The following DTX1 variants were observed in gnomAD, a reference collection of about 807,000 sequenced individuals.
DTX1 encodes deltex E3 ubiquitin ligase 1, also known as E3 ubiquitin-protein ligase DTX1.
Under a neutral mutation model 57.8 loss-of-function variants are expected in DTX1, and 26 were observed. That is an observed-to-expected ratio of 0.45 (90% confidence interval 0.33 to 0.62). The LOEUF (loss-of-function observed/expected upper bound fraction) is 0.62, where lower values mean the gene tolerates loss of function less well. DTX1 is among the 20% of genes least tolerant of loss of function. The pLI is 0.02. For missense variants in DTX1, 704 were observed against 895.3 expected (o/e 0.79, Z 2.73); for synonymous variants, 398 against 394.1 (o/e 1.01, Z -0.12).
In DTX1 at chr12:113,094,114, G is replaced by T. The variant is rs940132658; in HGVS notation, c.1227+15G>T. On this transcript the variant is annotated intron_variant, in intron 6 of 9. Coordinates refer to ENST00000548759, the MANE Select transcript of DTX1 (RefSeq NM_004416.3). ...CACCTGATGAGGTGAGGAGGGGATG[G>T]GGGGGCTGGGGGAGGGCCCTGGCAT... 36 of 1,488,556 alleles carry T rather than the reference G, an allele frequency of 2.4e-5. 1 individual carries two copies. Among genetic ancestry groups the T allele is most frequent in the Non-Finnish European group, 2.9e-5 (32 of 1,087,728 alleles). 92.2% of individuals were successfully genotyped at this position (1,488,556 alleles called of 1,614,324 possible). A position where few individuals can be genotyped will look rare whatever the true frequency, so the allele number is the denominator to read the frequency against.
rs541068483 is a variant in DTX1 at position 113,096,010 on chromosome 12, A to G, written c.1638+596A>G. Among the ~76,000 whole-genome samples, 127 of 152,302 alleles carry G rather than the reference A, an allele frequency of 8.3e-4. 1 individual carries two copies. The highest frequency in any genetic ancestry group is 3.0e-3 in the African/African-American group (124 of 41,558). On this transcript the variant is annotated intron_variant, in intron 9 of 9. Coordinates refer to ENST00000548759, the MANE Select transcript of DTX1 (RefSeq NM_004416.3). Reference sequence around the variant, plus strand: ...ATCACGAGATCAGGAGTTTGAGACCAGCCTGGACAACATGGTGAAACCCCG... The same window carrying G: ...ATCACGAGATCAGGAGTTTGAGACCGGCCTGGACAACATGGTGAAACCCCG...
Position 113,077,752 on chromosome 12 carries a change from G to T in DTX1, c.588G>T (p.Ser196=). The change falls in exon 3 of 10, where the codon TCG becomes TCT. Residue 196 remains serine (S), a synonymous_variant. Coordinates refer to ENST00000548759, the MANE Select transcript of DTX1 (RefSeq NM_004416.3). This position sits in a 1 kb window ranked among gnomAD's most constrained non-coding sequence, Gnocchi z 7.8. ...AGTCGTGGCCCGTGGGCGCCAGCTC[G>T]GGCCAGCCCTGCTCCTGCCAGCAGT... is the stretch of plus-strand genomic sequence containing the variant. ...KSQSWPVGAS[S]GQPCSCQQCL... is the part of the protein sequence containing the mutation. 1 of 1,530,378 alleles carries T rather than the reference G, an allele frequency of 6.5e-7. No homozygotes were observed. Among genetic ancestry groups the T allele is most frequent in the Non-Finnish European group, 8.7e-7 (1 of 1,143,856 alleles). 94.8% of individuals were successfully genotyped at this position (1,530,378 alleles called of 1,614,324 possible).
intron 2 of DTX1, among the ~76,000 whole-genome samples, chr12:113,062,392 G>A (rs1234634831): frequency 1.3e-5 from 2 of 152,148 alleles, no homozygotes; most frequent in Non-Finnish European, 2.9e-5. Context: ...AACTAGTTGT[G>A]GACACAGAAA....
chr12:113,097,215 A>C lies in DTX1; in HGVS notation c.*276A>C, dbSNP rs79540009. On this transcript the variant is annotated 3_prime_UTR_variant, in exon 10 of 10. Transcript: ENST00000548759. ...CCCGCCCCCTCACACACAAACACAC[A>C]TGTCCTGTTGAACTCATGCACGCAC... 29 of 439,746 alleles carry C rather than the reference A, an allele frequency of 6.6e-5. No homozygotes were observed. The highest frequency in any genetic ancestry group is 8.3e-5 in the Non-Finnish European group (20 of 240,036). The allele number at this position is 439,746 out of a possible 1,614,324, so 27.2% of individuals were successfully genotyped here.
intron 3 of DTX1, among the ~76,000 whole-genome samples, chr12:113,079,738 T>TGTGTGTG (rs2044803058): frequency 9.9e-6 from 1 of 100,844 alleles, no homozygotes; most frequent in Non-Finnish European, 2.1e-5. Flanking sequence ...GTGTGTGTGT[T>TGTGTGTG]AGTGGAGATG....
rs544667939 is a variant in DTX1 at position 113,067,281 on chromosome 12, C to T, written c.259+8830C>T. On this transcript the variant is annotated intron_variant, in intron 2 of 9. Transcript: ENST00000548759. ...TACCTGGAATACCACCTTCCCAGGG[C>T]CCTCCCCCTGGCTGGGGTAAGCATT... Among the ~76,000 whole-genome samples, 5 of 152,124 alleles carry T rather than the reference C, an allele frequency of 3.3e-5. No homozygotes were observed. In the East Asian group the frequency reaches 9.7e-4, roughly 30 times the overall value.
chr12:113,084,454 T>A (rs892587503), intron 3 of DTX1, among the ~76,000 whole-genome samples: 12 of 152,134 alleles, frequency 7.9e-5, no homozygotes, highest in African/African-American at 2.2e-4. Context: ...GGCACAATTA[T>A]AGCTCACTGC....
At chr12:113,076,262 C>T (rs1302385778) in intron 2 of DTX1, among the ~76,000 whole-genome samples, 1 of 150,806 alleles carries the variant, frequency 6.6e-6, no homozygotes, top group Non-Finnish European at 1.5e-5. Context: ...AGTTCGAGAC[C>T]AGCCTGGCCA....
At position 113,093,572 on chromosome 12, in the gene DTX1, T is replaced by A; in HGVS notation, c.1037T>A (p.Leu346Gln). Reference sequence around the variant, plus strand: ...GGGATACTGCTGTGCGCGGCCGGGCTGCCCGTGTGCCTGACGCGGGCCCCC... The same window carrying A: ...GGGATACTGCTGTGCGCGGCCGGGCAGCCCGTGTGCCTGACGCGGGCCCCC... Reference protein sequence around the residue: ...MTGILLCAAGLPVCLTRAPKP... With the variant: ...MTGILLCAAGQPVCLTRAPKP... Residue 346 changes from leucine to glutamine, a missense_variant, in exon 5 of 10, where the codon CTG becomes CAG. Leu to Gln is a moderately radical substitution (Grantham distance 113). Transcript: ENST00000548759. The surrounding 1 kb of genome is among the most constrained non-coding windows in gnomAD (Gnocchi z 4.2). 1 of 1,610,472 alleles carries A rather than the reference T, an allele frequency of 6.2e-7. No individual in the cohort carries two copies. The highest frequency in any genetic ancestry group is 8.5e-7 in the Non-Finnish European group (1 of 1,178,572).
chr12:113,089,756 C>T (rs1378901068), intron 3 of DTX1: 1 of 152,294 alleles, frequency 6.6e-6, no homozygotes, highest in Non-Finnish European at 1.5e-5. Flanking sequence ...TGACACCCCA[C>T]TCACAGTGCT....
At chr12:113,095,446 A>T (rs373543134) in intron 9 of DTX1, 32 bp downstream of exon 9, 19 of 1,613,338 alleles carry the variant, frequency 1.2e-5, no homozygotes, top group Non-Finnish European at 1.4e-5. Flanking sequence ...CATGGGAGAT[A>T]GGCACAGGCA....
intron 2 of DTX1, among the ~76,000 whole-genome samples, chr12:113,062,658 G>T (rs1426340875): frequency 1.3e-5 from 2 of 152,136 alleles, no homozygotes; most frequent in Non-Finnish European, 2.9e-5. Context: ...GTACACGTGC[G>T]TGTGCGTACA....
intron 3 of DTX1, among the ~76,000 whole-genome samples, chr12:113,087,337 G>A (rs2044868365): frequency 6.6e-6 from 1 of 152,194 alleles, no homozygotes; most frequent in African/African-American, 2.4e-5. Context: ...GCAGACGGAG[G>A]TGCTGGGGTA....
intron 3 of DTX1, among the ~76,000 whole-genome samples, chr12:113,079,179 GA>G (rs1249868442): frequency 1.3e-5 from 2 of 152,094 alleles, no homozygotes; most frequent in African/African-American, 2.4e-5. Flanking sequence ...GCAATGAGAG[GA>G]AAGATCAAAG....
At chr12:113,058,486 C>T in intron 2 of DTX1, 35 bp downstream of exon 2, 1 of 1,567,080 alleles carries the variant, frequency 6.4e-7, no homozygotes, top group Non-Finnish European at 8.6e-7. Context: ...ACCCGCCCCG[C>T]CGAGCCATCA....
chr12:113,058,343 G>A lies in DTX1; in HGVS notation c.151G>A (p.Val51Met), dbSNP rs868570524. 1.9e-6 allele frequency: 3 copies of A among 1,613,440 alleles called. No individual in the cohort carries two copies. The highest frequency in any genetic ancestry group is 2.2e-5 in the East Asian group (1 of 44,900). ...CACCGTGTGCCACCACATTGAGAAC[G>A]TGCTGAAGGAGGACGCTCGCGGTTC... ...TATVCHHIENVLKEDARGSVV... is the reference protein window; with the variant it reads ...TATVCHHIENMLKEDARGSVV... The change falls in exon 2 of 10, where the codon GTG becomes ATG. Residue 51 changes from valine (V) to methionine (M), a missense_variant. Val to Met is a conservative substitution (Grantham distance 21). Around this residue, in one of 3 missense-constraint regions of DTX1, gnomAD observed 237 missense variants for 328.6 expected, o/e 0.72. Coordinates refer to ENST00000548759, the MANE Select transcript of DTX1 (RefSeq NM_004416.3).
At chr12:113,064,706 T>A (rs930813749) in intron 2 of DTX1, among the ~76,000 whole-genome samples, 1 of 152,230 alleles carries the variant, frequency 6.6e-6, no homozygotes, top group African/African-American at 2.4e-5. Flanking sequence ...CTGGGAGGGT[T>A]GTCATGAGGA....
chr12:113,081,605 A>G (rs1204969458), intron 3 of DTX1, among the ~76,000 whole-genome samples: 1 of 152,152 alleles, frequency 6.6e-6, no homozygotes, highest in Non-Finnish European at 1.5e-5. Context: ...GAATTCAGGG[A>G]AAATCCCTCT....
rs1478712696 is a variant in DTX1, at chr12:113,093,757, A to G, written c.1165+57A>G. 17 of 1,594,726 alleles carry G rather than the reference A, an allele frequency of 1.1e-5. No homozygotes were observed. Among genetic ancestry groups the G allele is most frequent in the Non-Finnish European group, 1.4e-5 (16 of 1,167,434 alleles). On this transcript the variant is annotated intron_variant, in intron 5 of 9. Coordinates refer to ENST00000548759, the MANE Select transcript of DTX1 (RefSeq NM_004416.3). The surrounding 1 kb of genome is among the most constrained non-coding windows in gnomAD (Gnocchi z 4.2). Reference sequence around the variant, plus strand: ...TGAACCCCACTAAGCCTTGACCACAACTCTGTGACCCCTGGTCTCCAACTT... The same window carrying G: ...TGAACCCCACTAAGCCTTGACCACAGCTCTGTGACCCCTGGTCTCCAACTT...
Sources: allele counts gnomAD v4.1 joint callset (sites outside exome capture counted in the v4.1 genomes callset), GRCh38; gene constraint gnomAD v4.1.1; regional missense constraint gnomAD v4.1.1; non-coding constraint Gnocchi (gnomAD v3.1); transcripts MANE v1.5; gene names NCBI Gene and HGNC (gene_info 2026-07-23, HGNC 2026-07-21).